The following CACNA1I variants were observed in gnomAD, a reference collection of about 807,000 sequenced individuals.
CACNA1I encodes calcium voltage-gated channel subunit alpha1 I, also known as voltage-dependent T-type calcium channel subunit alpha-1I.
CACNA1I carries 74 observed loss-of-function variants against 201.6 expected under a neutral mutation model. That is an observed-to-expected ratio of 0.37 (90% CI 0.30 to 0.45). The LOEUF (loss-of-function observed/expected upper bound fraction) is 0.45, where lower values mean the gene tolerates loss of function less well. Ranked by LOEUF, CACNA1I falls within the 20% of genes least tolerant of loss-of-function variation. The pLI is 1.00. For missense variants in CACNA1I, 2,346 were observed against 3,138.1 expected, an observed-to-expected ratio of 0.75 and a Z score of 6.03; for synonymous variants, 1,431 against 1,345.2, an observed-to-expected ratio of 1.06 and a Z score of -1.40.
intron 4 of CACNA1I, among the ~76,000 whole-genome samples, chr22:39,632,495 C>T (rs541340433): frequency 2.0e-4 from 31 of 151,802 alleles, no homozygotes; most frequent in South Asian, 6.3e-4. Flanking sequence ...CAAATGTGCC[C>T]GGAGCGGCCC....
At position 39,576,710 on chromosome 22, in the gene CACNA1I, C is replaced by T. The variant is rs117111468; in HGVS notation, c.236+5722C>T. On this transcript the variant is annotated intron_variant, in intron 1 of 36. Transcript: ENST00000402142. ...AGGCCAGCTGCCCAATAACCCTTTGCGCCCTCGTCTCCCTGTCTGTGGGAT... is the reference window on the plus strand; with the variant it reads ...AGGCCAGCTGCCCAATAACCCTTTGTGCCCTCGTCTCCCTGTCTGTGGGAT... Among the ~76,000 whole-genome samples the T allele has an allele frequency of 1.5e-3, 228 of 152,326 alleles. 11 individuals carry two copies. The East Asian group carries it at 0.036, about 24-fold the overall frequency.
At chr22:39,645,883 T>C (rs192840827) in intron 7 of CACNA1I, among the ~76,000 whole-genome samples, 304 of 152,268 alleles carry the variant, frequency 2.0e-3, no homozygotes, top group Non-Finnish European at 3.2e-3. Flanking sequence ...CAAGCACAGA[T>C]AAAGCCACAT....
intron 1 of CACNA1I, among the ~76,000 whole-genome samples, chr22:39,579,460 C>T (rs1044429326): frequency 2.0e-5 from 3 of 152,122 alleles, no homozygotes; most frequent in Non-Finnish European, 1.5e-5. Context: ...TAAGAATACC[C>T]GAGGGTGGGT....
rs537451951 is a variant in CACNA1I at position 39,659,216 on chromosome 22, C to G, written c.2330+100C>G. On this transcript the variant is annotated intron_variant, in intron 12 of 36. Coordinates refer to ENST00000402142, the MANE Select transcript of CACNA1I (RefSeq NM_021096.4). The surrounding 1 kb of genome is among the most constrained non-coding windows in gnomAD (Gnocchi z 4.3). ...ACTGTGCTTCTCTGGACAAAGCCACCTGGACCTGGGTGTGAAGCCTGACAC... is the reference window on the plus strand; with the variant it reads ...ACTGTGCTTCTCTGGACAAAGCCACGTGGACCTGGGTGTGAAGCCTGACAC... 384 of 1,432,298 alleles carry G rather than the reference C, an allele frequency of 2.7e-4. 2 individuals carry two copies. In the African/African-American group the frequency reaches 4.7e-3, roughly 18 times the overall value. 88.7% of individuals were successfully genotyped at this position (1,432,298 alleles called of 1,614,324 possible). A position where few individuals can be genotyped will look rare whatever the true frequency, so the allele number is the denominator to read the frequency against.
intron 8 of CACNA1I, 28 bp from the exon 9 acceptor site, chr22:39,647,794 A>C: frequency 7.0e-7 from 1 of 1,434,550 alleles, no homozygotes; most frequent in Non-Finnish European, 9.8e-7. Flanking sequence ...AGAAGGGAGA[A>C]GATAGTAATA....
intron 8 of CACNA1I, 48 bp downstream of exon 8, chr22:39,646,929 T>A (rs1000285934): frequency 9.0e-6 from 13 of 1,449,064 alleles, no homozygotes; most frequent in Non-Finnish European, 1.2e-5. Context: ...TCGTGCCAAG[T>A]GTCACTCCTT....
chr22:39,662,080 T>A lies in CACNA1I; in HGVS notation c.3017T>A (p.Leu1006Gln). ...CCGCCGTCGGCGGAGCATGAGTCCCTGCTCTCTGCGGAGCGCGGCGGCGGC... is the reference window on the plus strand; with the variant it reads ...CCGCCGTCGGCGGAGCATGAGTCCCAGCTCTCTGCGGAGCGCGGCGGCGGC... Reference protein sequence around the residue: ...HKPPSAEHESLLSAERGGGAR... With the variant: ...HKPPSAEHESQLSAERGGGAR... Residue 1006 changes from leucine (L) to glutamine (Q), a missense_variant, in exon 17 of 37, where the codon CTG becomes CAG. By Grantham distance (113) the Leu-to-Gln change is moderately radical. This residue lies in a region of CACNA1I where 288 missense variants were observed against 255.2 expected (regional missense o/e 1.13). Transcript: ENST00000402142. The A allele has an allele frequency of 6.5e-7, 1 of 1,539,656 alleles. No individual in the cohort carries two copies. Among genetic ancestry groups the A allele is most frequent in the Non-Finnish European group, 8.7e-7 (1 of 1,147,576 alleles).
At chr22:39,608,246 T>C (rs1281699820) in intron 3 of CACNA1I, among the ~76,000 whole-genome samples, 1 of 151,978 alleles carries the variant, frequency 6.6e-6, no homozygotes, top group Non-Finnish European at 1.5e-5. Context: ...GAGGTTGCAG[T>C]GAGCCAAGAT....
In CACNA1I at chr22:39,686,463, G is replaced by T; in HGVS notation, c.*58G>T. On this transcript the variant is annotated 3_prime_UTR_variant, in exon 37 of 37. Coordinates refer to ENST00000402142, the MANE Select transcript of CACNA1I (RefSeq NM_021096.4). ...GCCCCGTCTCACCTTCTTTACCTCA[G>T]GAGCCAGGAGCAGACAGCAATACTT... The T allele has an allele frequency of 8.8e-7, 1 of 1,138,128 alleles. No individual in the cohort carries two copies. Among genetic ancestry groups the T allele is most frequent in the East Asian group, 3.4e-5 (1 of 29,080 alleles). The allele number at this position is 1,138,128 out of a possible 1,614,324, so 70.5% of individuals were successfully genotyped here.
intron 1 of CACNA1I, among the ~76,000 whole-genome samples, chr22:39,597,282 C>G (rs980653936): frequency 1.3e-5 from 2 of 152,176 alleles, no homozygotes. Flanking sequence ...CCTCCCTGGT[C>G]CTGTGACTGG....
rs531022180 is a variant in CACNA1I, at chr22:39,659,567, T to A, written c.2448+17T>A. 6.2e-7 allele frequency: 1 copy of A among 1,604,426 alleles called. No homozygotes were observed. The highest frequency in any genetic ancestry group is 1.1e-5 in the South Asian group (1 of 90,752). On this transcript the variant is annotated intron_variant, in intron 13 of 36. Transcript: ENST00000402142. This position sits in a 1 kb window ranked among gnomAD's most constrained non-coding sequence, Gnocchi z 4.3. ...GTGTTCCAGGTGAGTGGCCGCTGCG[T>A]GTTCATGTTTGCTGGGGAAGCGATG...
intron 1 of CACNA1I, chr22:39,571,216 G>T: frequency 1.7e-6 from 1 of 582,786 alleles, no homozygotes. Context: ...GTTGCTGGTG[G>T]CTGTGGGGTC....
In CACNA1I at chr22:39,600,666, C is replaced by T. The variant is rs374150031; in HGVS notation, c.482+13C>T. On this transcript the variant is annotated intron_variant, in intron 3 of 36. Coordinates refer to ENST00000402142, the MANE Select transcript of CACNA1I (RefSeq NM_021096.4). Reference sequence around the variant, plus strand: ...TCGTCATGGCAGGGTAGGTAGCGCCCGCCAGGCAGGTCCTAGCCTCTGGTG... The same window carrying T: ...TCGTCATGGCAGGGTAGGTAGCGCCTGCCAGGCAGGTCCTAGCCTCTGGTG... The T allele has an allele frequency of 5.0e-5, 80 of 1,591,250 alleles. No individual in the cohort carries two copies. Among genetic ancestry groups the T allele is most frequent in the African/African-American group, 8.1e-5 (6 of 73,628 alleles).
intron 4 of CACNA1I, among the ~76,000 whole-genome samples, chr22:39,627,544 C>G (rs1933934369): frequency 6.6e-6 from 1 of 152,244 alleles, no homozygotes; most frequent in Non-Finnish European, 1.5e-5. Flanking sequence ...GCCTGCCCAA[C>G]CAGGGTCATG....
rs1348883601 is a variant in CACNA1I, at chr22:39,684,460, C to T, written c.5989C>T (p.Leu1997=). Residue 1997 remains leucine (L), a synonymous_variant, in exon 36 of 37, where the codon CTG becomes TTG. Transcript: ENST00000402142. This position sits in a 1 kb window ranked among gnomAD's most constrained non-coding sequence, Gnocchi z 4.6. The part of the protein sequence containing the change: ...KIALQGSWAS[L]RSPRVNCTLL... ...TGCGCTGCAGGGCTCCTGGGCATCTCTGCGGTCACCAAGGGTCAACTGTAC... is the reference window on the plus strand; with the variant it reads ...TGCGCTGCAGGGCTCCTGGGCATCTTTGCGGTCACCAAGGGTCAACTGTAC... 1 of 1,613,428 alleles carries T rather than the reference C, an allele frequency of 6.2e-7. No homozygotes were observed. The highest frequency in any genetic ancestry group is 1.7e-5 in the Admixed American group (1 of 60,014).
At chr22:39,592,350 C>A (rs1044051227) in intron 1 of CACNA1I, among the ~76,000 whole-genome samples, 1 of 152,170 alleles carries the variant, frequency 6.6e-6, no homozygotes, top group Admixed American at 6.5e-5. Flanking sequence ...TTTGAAAAAT[C>A]GACTGTGGCT....
At chr22:39,573,467 G>A (rs111691220) in intron 1 of CACNA1I, among the ~76,000 whole-genome samples, 1,575 of 152,114 alleles carry the variant, frequency 0.01, 26 homozygotes, top group African/African-American at 0.034. Flanking sequence ...CCTAGATGGG[G>A]GTGGTCAAGT....
In CACNA1I at chr22:39,649,410, C is replaced by T; in HGVS notation, c.1568-91C>T. 4.5e-6 allele frequency: 6 copies of T among 1,325,446 alleles called. No homozygotes were observed. Among genetic ancestry groups the T allele is most frequent in the Non-Finnish European group, 6.0e-6 (6 of 992,282 alleles). The allele number at this position is 1,325,446 out of a possible 1,614,324, so 82.1% of individuals were successfully genotyped here. Reference sequence around the variant, plus strand: ...GGCTGGTTCCAGGCAGACCTGTGGGCCTGGGAGCCAAGCGCACTCAGGGAT... The same window carrying T: ...GGCTGGTTCCAGGCAGACCTGTGGGTCTGGGAGCCAAGCGCACTCAGGGAT... On this transcript the variant is annotated intron_variant, in intron 9 of 36. Transcript: ENST00000402142. This position sits in a 1 kb window ranked among gnomAD's most constrained non-coding sequence, Gnocchi z 7.3.
chr22:39,649,866 G>A lies in CACNA1I; in HGVS notation c.1933G>A (p.Gly645Ser). The A allele has an allele frequency of 1.2e-6, 2 of 1,613,590 alleles. No homozygotes were observed. Among genetic ancestry groups the A allele is most frequent in the Non-Finnish European group, 1.7e-6 (2 of 1,179,728 alleles). ...GIVDSKYFNR[G>S]IMMAILVNTV... ...CGTGGACAGCAAGTACTTCAACCGG[G>A]GCATCATGATGGCCATCCTGGTCAA... is the stretch of plus-strand genomic sequence containing the variant. Residue 645 changes from glycine to serine, a missense_variant, in exon 10 of 37, where the codon GGC (glycine) becomes AGC (serine). Gly to Ser is a moderately conservative substitution (Grantham distance 56). Around this residue, in one of 13 missense-constraint regions of CACNA1I, gnomAD observed 312 missense variants for 331.5 expected, o/e 0.94. Coordinates refer to ENST00000402142, the MANE Select transcript of CACNA1I (RefSeq NM_021096.4). This position sits in a 1 kb window ranked among gnomAD's most constrained non-coding sequence, Gnocchi z 7.3.
Sources: gnomAD v4.1 joint callset for allele counts (sites outside exome capture counted in the v4.1 genomes callset) on GRCh38, gnomAD v4.1.1 for gene constraint, gnomAD v4.1.1 regional missense constraint, Gnocchi (gnomAD v3.1) non-coding constraint, MANE v1.5 for transcripts, NCBI Gene and HGNC (gene_info 2026-07-23, HGNC 2026-07-21) for gene names.